The following APBB2 variants were observed in gnomAD, a reference collection of about 807,000 sequenced individuals.
The protein encoded by APBB2 is Fe65-like 1.
APBB2 carries 38 observed loss-of-function variants against 82.5 expected under a neutral mutation model. The ratio of observed to expected loss-of-function variants is 0.46; its 90% CI spans 0.36 to 0.60. The LOEUF (loss-of-function observed/expected upper bound fraction) is 0.60, where lower values mean the gene tolerates loss of function less well. Ranked by LOEUF, APBB2 falls within the 20% of genes least tolerant of loss-of-function variation. APBB2 has a pLI of 0.00. For synonymous variants in APBB2, 341 were observed against 368.2 expected (o/e 0.93, Z 0.85); for missense variants, 772 against 972.3 (o/e 0.79, Z 2.74).
Position 41,194,406 on chromosome 4 carries a change from G to A in APBB2, c.-417+19999C>T. Among the ~76,000 whole-genome samples, 34 of 152,342 alleles carry A rather than the reference G, an allele frequency of 2.2e-4. 1 individual carries two copies. In the East Asian group the frequency reaches 6.6e-3, roughly 29 times the overall value. ...AAATAAATATACACATCTGGGGCCGGTCACAGTGGCTCATGCCTGTAATCC... is the reference window on the plus strand; with the variant it reads ...AAATAAATATACACATCTGGGGCCGATCACAGTGGCTCATGCCTGTAATCC... On this transcript the variant is annotated intron_variant, in intron 1 of 17. Transcript: ENST00000508593.
intron 7 of APBB2, among the ~76,000 whole-genome samples, chr4:40,938,340 G>C (rs769902836): frequency 6.6e-6 from 1 of 152,184 alleles, no homozygotes; most frequent in South Asian, 2.1e-4. Flanking sequence ...TAGGGGGACT[G>C]ACCCAATGCC....
intron 10 of APBB2, among the ~76,000 whole-genome samples, chr4:40,905,941 T>C (rs1015108320): frequency 1.3e-5 from 2 of 152,080 alleles, no homozygotes; most frequent in African/African-American, 2.4e-5. Flanking sequence ...ATGAGTTTGA[T>C]GAAGGTCAGT....
chr4:41,155,535 A>G (rs979749089), intron 1 of APBB2, among the ~76,000 whole-genome samples: 2 of 152,202 alleles, frequency 1.3e-5, no homozygotes, highest in African/African-American at 4.8e-5. Context: ...TACTATTTCT[A>G]CCTAGTCAAT....
chr4:40,846,044 GTGTC>G (rs1305460930), intron 12 of APBB2, among the ~76,000 whole-genome samples: 2 of 137,810 alleles, frequency 1.5e-5, no homozygotes, highest in South Asian at 2.3e-4. Flanking sequence ...GTGTGTGTGT[GTGTC>G]ATTTATCAGC....
chr4:40,901,007 G>A (rs914242289), intron 10 of APBB2, among the ~76,000 whole-genome samples: 1 of 152,158 alleles, frequency 6.6e-6, no homozygotes, highest in Non-Finnish European at 1.5e-5. Context: ...CAGCTCTGTG[G>A]ACATGGATCA....
chr4:41,105,687 A>G (rs1746936980), intron 2 of APBB2, among the ~76,000 whole-genome samples: 1 of 152,154 alleles, frequency 6.6e-6, no homozygotes, highest in Admixed American at 6.5e-5. Context: ...GATTGAGACC[A>G]TCCTGGCTAA....
chr4:40,897,414 G>T (rs1004269146), intron 10 of APBB2, among the ~76,000 whole-genome samples: 6 of 152,086 alleles, frequency 3.9e-5, no homozygotes, highest in Admixed American at 6.5e-5. Flanking sequence ...CGAGGCAAGA[G>T]AATCGTGGCA....
At chr4:40,897,849 C>T (rs995149381) in intron 10 of APBB2, among the ~76,000 whole-genome samples, 2 of 151,806 alleles carry the variant, frequency 1.3e-5, no homozygotes, top group Admixed American at 6.6e-5. Context: ...GGATGCCGGG[C>T]GTAATCAGTT....
intron 6 of APBB2, among the ~76,000 whole-genome samples, chr4:40,961,667 TAAAAAAAAAAAAAA>T (rs60942744): frequency 1.3e-3 from 88 of 68,246 alleles, no homozygotes; most frequent in South Asian, 2.6e-3. Context: ...AAAAAAGATG[TAAAAAAAAAAAAAA>T]AAAAAAAAAA....
At chr4:40,852,075 C>G (rs933410813) in intron 12 of APBB2, among the ~76,000 whole-genome samples, 2 of 151,938 alleles carry the variant, frequency 1.3e-5, no homozygotes, top group Non-Finnish European at 2.9e-5. Flanking sequence ...AATGTAATTA[C>G]GGGGCCGGGC....
intron 12 of APBB2, chr4:40,880,920 G>A (rs1190156206): frequency 1.0e-6 from 1 of 981,398 alleles, no homozygotes; most frequent in African/African-American, 1.7e-5. Flanking sequence ...CGCCTTCATA[G>A]ATTCATGAAC....
chr4:41,107,167 C>T (rs929417890), intron 2 of APBB2, among the ~76,000 whole-genome samples: 1 of 151,944 alleles, frequency 6.6e-6, no homozygotes, highest in Non-Finnish European at 1.5e-5. Flanking sequence ...AAAAATTAGC[C>T]AGGCATGGTG....
intron 6 of APBB2, 119 bp downstream of exon 6, chr4:41,013,464 G>GAGGCTCACGTTCCT: frequency 1.1e-6 from 1 of 943,850 alleles, no homozygotes; most frequent in Non-Finnish European, 1.6e-6. Flanking sequence ...TTTACCGCAA[G>GAGGCTCACGTTCCT]AGGCTCACGT....
intron 1 of APBB2, among the ~76,000 whole-genome samples, chr4:41,170,670 C>G (rs1056624754): frequency 4.6e-5 from 7 of 151,918 alleles, no homozygotes; most frequent in African/African-American, 1.7e-4. Flanking sequence ...GATCCTAGAC[C>G]AGAAAAAGAA....
At chr4:41,212,790 C>T (rs1385778245) in intron 1 of APBB2, among the ~76,000 whole-genome samples, 1 of 152,194 alleles carries the variant, frequency 6.6e-6, no homozygotes, top group Non-Finnish European at 1.5e-5. Context: ...TACTCTACTG[C>T]CACCTGTGTT....
At chr4:40,995,223 G>A (rs761979080) in intron 6 of APBB2, among the ~76,000 whole-genome samples, 7 of 152,178 alleles carry the variant, frequency 4.6e-5, no homozygotes, top group Non-Finnish European at 8.8e-5. Context: ...CACTGGCATT[G>A]AGAATGTGCA....
At chr4:41,074,032 A>AG (rs1300598396) in intron 3 of APBB2, among the ~76,000 whole-genome samples, 1 of 152,192 alleles carries the variant, frequency 6.6e-6, no homozygotes, top group Non-Finnish European at 1.5e-5. Context: ...AGGCTGAGGC[A>AG]GGAGGATTGC....
intron 12 of APBB2, among the ~76,000 whole-genome samples, chr4:40,835,988 G>C (rs1560650159): frequency 6.6e-6 from 1 of 152,160 alleles, no homozygotes; most frequent in Non-Finnish European, 1.5e-5. Context: ...AAGGAGGGCT[G>C]GTTTGGTGCA....
At chr4:41,038,626 C>G (rs1161706629) in intron 4 of APBB2, among the ~76,000 whole-genome samples, 5 of 152,196 alleles carry the variant, frequency 3.3e-5, no homozygotes, top group Non-Finnish European at 7.3e-5. Context: ...CCAACTGATT[C>G]TAGAATCTCT....
Sources: allele counts gnomAD v4.1 joint callset (sites outside exome capture counted in the v4.1 genomes callset), GRCh38; gene constraint gnomAD v4.1.1; transcripts MANE v1.5; gene names NCBI Gene and HGNC (gene_info 2026-07-23, HGNC 2026-07-21).